GAB3: variants seen among roughly 807,000 people sequenced by gnomAD.
The protein encoded by GAB3 is GRB2-associated-binding protein 3.
GAB3 carries 12 observed loss-of-function variants against 40.4 expected under a neutral mutation model. That is an observed-to-expected ratio of 0.30 (90% CI 0.19 to 0.48). The LOEUF is 0.48. Ranked by LOEUF, GAB3 falls within the 20% of genes least tolerant of loss-of-function variation. GAB3 has a pLI of 0.99. For missense variants in GAB3, 381 were observed against 461.9 expected (o/e 0.82, Z 1.61); for synonymous variants, 154 against 176.7 (o/e 0.87, Z 1.02).
At chrX:154,739,972 A>G (rs782192011) in intron 1 of GAB3, among the ~76,000 whole-genome samples, 5 of 112,557 alleles carry the variant, frequency 4.4e-5, no homozygotes, top group Non-Finnish European at 7.5e-5. Context: ...AAAACAAGAT[A>G]CCATTTATCA....
chrX:154,690,666 A>C (rs1557249129), intron 8 of GAB3, among the ~76,000 whole-genome samples: 2 of 112,343 alleles, frequency 1.8e-5, no homozygotes, highest in African/African-American at 6.5e-5. Flanking sequence ...CACATGAAAA[A>C]ATGCTCACCA....
chrX:154,722,138 A>C (rs1180085943), intron 1 of GAB3, among the ~76,000 whole-genome samples: 3 of 112,118 alleles, frequency 2.7e-5, no homozygotes, highest in Non-Finnish European at 5.6e-5. Flanking sequence ...ATTTGCAAAA[A>C]GATAGATGGA....
At chrX:154,738,625 C>A (rs1321780721) in intron 1 of GAB3, among the ~76,000 whole-genome samples, 1 of 111,843 alleles carries the variant, frequency 8.9e-6, no homozygotes, top group Non-Finnish European at 1.9e-5. Context: ...GTCCCTACTC[C>A]TGTCAAGTTC....
At chrX:154,732,302 G>A (rs1190618351) in intron 1 of GAB3, among the ~76,000 whole-genome samples, 7 of 111,462 alleles carry the variant, frequency 6.3e-5, no homozygotes, top group African/African-American at 9.8e-5. Flanking sequence ...TAAAATACAT[G>A]AATTTGGAAA....
intron 9 of GAB3, 63 bp from the exon 10 acceptor site, chrX:154,678,357 C>T (rs2070326568): frequency 3.3e-6 from 2 of 605,008 alleles, no homozygotes; most frequent in African/African-American, 2.3e-5. Flanking sequence ...AAAATGTTTA[C>T]CCTTTTGTAT....
intron 8 of GAB3, among the ~76,000 whole-genome samples, chrX:154,694,536 G>T (rs906960432): frequency 9.1e-5 from 10 of 110,477 alleles, no homozygotes; most frequent in Non-Finnish European, 1.9e-4. Context: ...ACAGGCGCCC[G>T]CCACCACGCC....
chrX:154,741,675 C>CAA (rs1206111123), intron 1 of GAB3, among the ~76,000 whole-genome samples: 13 of 26,370 alleles, frequency 4.9e-4, no homozygotes, highest in African/African-American at 8.2e-4. Flanking sequence ...GACTCCATCT[C>CAA]AAAAAAAAAA....
At chrX:154,709,360 G>T (rs1485309618) in intron 4 of GAB3, among the ~76,000 whole-genome samples, 1 of 101,644 alleles carries the variant, frequency 9.8e-6, no homozygotes, top group Non-Finnish European at 2.0e-5. Flanking sequence ...TTGCTCTGTC[G>T]CCCAGACTGG....
intron 2 of GAB3, among the ~76,000 whole-genome samples, chrX:154,714,710 T>C (rs782766753): frequency 3.5e-4 from 39 of 112,117 alleles, no homozygotes; most frequent in African/African-American, 1.3e-3. Context: ...ATTATATATG[T>C]ATGTTTTAGG....
chrX:154,728,711 G>C (rs1168678873), intron 1 of GAB3, among the ~76,000 whole-genome samples: 1 of 112,199 alleles, frequency 8.9e-6, no homozygotes, highest in Non-Finnish European at 1.9e-5. Flanking sequence ...CTTTCCCTGG[G>C]ATCTTAGCCT....
intron 1 of GAB3, among the ~76,000 whole-genome samples, chrX:154,723,891 A>G (rs1324043757): frequency 1.8e-5 from 2 of 111,897 alleles, no homozygotes; most frequent in African/African-American, 6.5e-5. Context: ...TTTCTGTGTG[A>G]CTTTGAGCAC....
At chrX:154,697,635 C>T (rs2070681686) in intron 6 of GAB3, among the ~76,000 whole-genome samples, 1 of 111,889 alleles carries the variant, frequency 8.9e-6, no homozygotes, top group South Asian at 3.8e-4. Context: ...ACCTACAATC[C>T]ATTGTCCACC....
intron 4 of GAB3, among the ~76,000 whole-genome samples, chrX:154,700,780 A>G (rs2070729643): frequency 9.0e-6 from 1 of 111,012 alleles, no homozygotes; most frequent in African/African-American, 3.3e-5. Flanking sequence ...GGTGCAGAGA[A>G]GTTCAGCAAG....
chrX:154,695,339 CTT>C (rs2070640387), intron 8 of GAB3, among the ~76,000 whole-genome samples: 1 of 111,783 alleles, frequency 8.9e-6, no homozygotes. Flanking sequence ...CATCAGGACT[CTT>C]TAACTGCAAA....
chrX:154,682,847 G>T (rs1319320484), intron 8 of GAB3, among the ~76,000 whole-genome samples: 1 of 110,801 alleles, frequency 9.0e-6, no homozygotes, highest in African/African-American at 3.3e-5. Context: ...GCATGGTGGC[G>T]CATGCCTGTA....
chrX:154,697,090 G>A, intron 7 of GAB3, 42 bp downstream of exon 7: 1 of 1,050,135 alleles, frequency 9.5e-7, no homozygotes, highest in Non-Finnish European at 1.3e-6. Flanking sequence ...ACACACCGGG[G>A]TGTCTGTGCT....
At chrX:154,724,899 G>A (rs1365457710) in intron 1 of GAB3, among the ~76,000 whole-genome samples, 3 of 110,813 alleles carry the variant, frequency 2.7e-5, no homozygotes, top group Non-Finnish European at 5.7e-5. Flanking sequence ...AGGTGTCACC[G>A]CCCCCCCAAA....
chrX:154,730,409 C>T (rs1366467881), intron 1 of GAB3, among the ~76,000 whole-genome samples: 1 of 111,662 alleles, frequency 9.0e-6, no homozygotes, highest in African/African-American at 3.3e-5. Context: ...CAATTACTGA[C>T]TGCCACTTGC....
chrX:154,749,443 T>C (rs1293311562), intron 1 of GAB3, among the ~76,000 whole-genome samples: 1 of 112,557 alleles, frequency 8.9e-6, no homozygotes, highest in Admixed American at 9.3e-5. Flanking sequence ...CACTACTGTG[T>C]GACAAAAGCC....
Sources: allele counts gnomAD v4.1 joint callset (sites outside exome capture counted in the v4.1 genomes callset), GRCh38; gene constraint gnomAD v4.1.1; transcripts MANE v1.5; gene names NCBI Gene and HGNC (gene_info 2026-07-23, HGNC 2026-07-21).